NSUN3: variants seen among roughly 807,000 people sequenced by gnomAD.
NSUN3 encodes NOP2/Sun RNA methyltransferase 3, also known as tRNA (cytosine(34)-C(5))-methyltransferase, mitochondrial.
In NSUN3, 24 loss-of-function variants were observed where a neutral mutation model predicts 36.8. The observed-to-expected ratio is 0.65, with a 90% CI of 0.47 to 0.92. The LOEUF is 0.92. Among genes scored for constraint, NSUN3 ranks in the 40% least tolerant of loss-of-function variants. The probability of loss-of-function intolerance (pLI) is 0.00; values close to 1 mark genes in which losing one functional copy is unlikely to be tolerated. For synonymous variants in NSUN3, 146 were observed against 145.2 expected (o/e 1.01, Z -0.04); for missense variants, 381 against 392.8 (o/e 0.97, Z 0.25).
At chr3:94,076,672 G>T in intron 2 of NSUN3, 1 of 1,147,968 alleles carries the variant, frequency 8.7e-7, no homozygotes, top group Non-Finnish European at 1.3e-6. Flanking sequence ...GCAAGTCTGA[G>T]TTGCAGTCTC....
chr3:94,068,120 T>C (rs1316855129), intron 2 of NSUN3, among the ~76,000 whole-genome samples: 1 of 152,152 alleles, frequency 6.6e-6, no homozygotes, highest in African/African-American at 2.4e-5. Flanking sequence ...AATATCTCTG[T>C]GCTCCATTGT....
intron 2 of NSUN3, among the ~76,000 whole-genome samples, chr3:94,072,535 C>T (rs1224995639): frequency 6.6e-6 from 1 of 152,026 alleles, no homozygotes. Context: ...GGAAAGACTT[C>T]GTTGGAGAGA....
At position 94,127,987 on chromosome 3, in the gene NSUN3, G is replaced by A. The variant is rs4857186; in HGVS notation, c.*1497G>A. Reference sequence around the variant, plus strand: ...TGTAATCCCAGCACTTTGTCAGGCCGAGGCAGGGGGCATCTCCTGAGGTCA... The same window carrying A: ...TGTAATCCCAGCACTTTGTCAGGCCAAGGCAGGGGGCATCTCCTGAGGTCA... On this transcript the variant is annotated 3_prime_UTR_variant, in exon 6 of 6. Coordinates refer to ENST00000314622, the MANE Select transcript of NSUN3 (RefSeq NM_022072.5). 51,644 of 152,014 alleles carry A rather than the reference G, an allele frequency of 0.34. 10,846 individuals are homozygous for A. The highest frequency in any genetic ancestry group is 0.55 in the East Asian group (2,856 of 5,152). 9.4% of individuals were successfully genotyped at this position (152,014 alleles called of 1,614,324 possible).
At chr3:94,084,501 A>G (rs780473969) in intron 3 of NSUN3, 51 bp downstream of exon 3, 4 of 1,364,658 alleles carry the variant, frequency 2.9e-6, no homozygotes, top group Non-Finnish European at 4.0e-6. Context: ...TCTGTATGTT[A>G]TAGAGAATTC....
Position 94,126,348 on chromosome 3 carries a change from T to C in NSUN3, c.881T>C (p.Ile294Thr). The change falls in exon 6 of 6, where the codon ATA becomes ACA. Residue 294 changes from isoleucine (I) to threonine (T), a missense_variant. By Grantham distance (89) the Ile-to-Thr change is moderately conservative. Coordinates refer to ENST00000314622, the MANE Select transcript of NSUN3 (RefSeq NM_022072.5). ...ATCATGCCTATGGACATTAAAGGAA[T>C]AGCAAGGACTTGCTCCCACGACTTC... is the stretch of plus-strand genomic sequence containing the variant. ...GNIMPMDIKG[I>T]ARTCSHDFTF... 1 of 1,614,112 alleles carries C rather than the reference T, an allele frequency of 6.2e-7. No individual in the cohort carries two copies. Among genetic ancestry groups the C allele is most frequent in the Non-Finnish European group, 8.5e-7 (1 of 1,180,024 alleles).
chr3:94,092,935 AAAAAAAAAAAG>A (rs1305615203), intron 3 of NSUN3, among the ~76,000 whole-genome samples: 167 of 150,284 alleles, frequency 1.1e-3, no homozygotes, highest in Middle Eastern at 3.5e-3. Flanking sequence ...AAAAAAAAAA[AAAAAAAAAAAG>A]AAAAGAAATA....
intron 2 of NSUN3, chr3:94,076,257 A>G (rs746087562): frequency 2.5e-4 from 224 of 910,482 alleles, no homozygotes; most frequent in Non-Finnish European, 3.8e-4. Flanking sequence ...GGAATGCAAC[A>G]TAAGTTTCAG....
Position 94,127,971 on chromosome 3 carries a change from A to G in NSUN3, c.*1481A>G, listed in dbSNP as rs2077494211. 6.6e-6 allele frequency: 1 copy of G among 152,250 alleles called. No homozygotes were observed. The highest frequency in any genetic ancestry group is 6.5e-5 in the Admixed American group (1 of 15,292). The allele number at this position is 152,250 out of a possible 1,614,324, so 9.4% of individuals were successfully genotyped here. A position where few individuals can be genotyped will look rare whatever the true frequency, so the allele number is the denominator to read the frequency against. On this transcript the variant is annotated 3_prime_UTR_variant, in exon 6 of 6. Transcript: ENST00000314622. Reference sequence around the variant, plus strand: ...CACGGTGGCTTATGCCTGTAATCCCAGCACTTTGTCAGGCCGAGGCAGGGG... The same window carrying G: ...CACGGTGGCTTATGCCTGTAATCCCGGCACTTTGTCAGGCCGAGGCAGGGG...
At chr3:94,124,124 A>G (rs899904495) in intron 5 of NSUN3, among the ~76,000 whole-genome samples, 6 of 108,166 alleles carry the variant, frequency 5.5e-5, no homozygotes, top group Admixed American at 8.9e-5. Context: ...ATAGAAGTTT[A>G]TTTTCTATTT....
chr3:94,076,271 T>A (rs547218083), intron 2 of NSUN3: 45 of 901,930 alleles, frequency 5.0e-5, no homozygotes, highest in Admixed American at 8.5e-5. Context: ...GTTTCAGATT[T>A]CTCAGATCCC....
chr3:94,115,914 A>C (rs936939166), intron 5 of NSUN3, among the ~76,000 whole-genome samples: 16 of 152,214 alleles, frequency 1.1e-4, no homozygotes, highest in African/African-American at 3.9e-4. Context: ...CAAGGGAAAA[A>C]TAGGACATCC....
chr3:94,092,916 T>A (rs532371856), intron 3 of NSUN3, among the ~76,000 whole-genome samples: 17 of 50,708 alleles, frequency 3.4e-4, no homozygotes, highest in African/African-American at 1.2e-3. Flanking sequence ...CGAGACTGCA[T>A]CTCAAAAAAA....
chr3:94,067,848 T>G (rs2077211259), intron 2 of NSUN3, among the ~76,000 whole-genome samples: 1 of 152,104 alleles, frequency 6.6e-6, no homozygotes, highest in Non-Finnish European at 1.5e-5. Flanking sequence ...CTTGAGAGTT[T>G]GTTGTACCCA....
intron 5 of NSUN3, among the ~76,000 whole-genome samples, chr3:94,119,804 A>C (rs1447888824): frequency 6.6e-6 from 1 of 152,272 alleles, no homozygotes; most frequent in Non-Finnish European, 1.5e-5. Context: ...GCAGTAGCAA[A>C]ACAGCAAGAC....
At chr3:94,076,022 C>T in intron 2 of NSUN3, 1 of 1,608,918 alleles carries the variant, frequency 6.2e-7, no homozygotes, top group South Asian at 1.1e-5. Context: ...ACAAATCACC[C>T]AAGGTTCATT....
At chr3:94,084,002 A>G (rs2077281725) in intron 2 of NSUN3, 105 bp from the exon 3 acceptor site, 2 of 791,906 alleles carry the variant, frequency 2.5e-6, no homozygotes, top group African/African-American at 3.5e-5. Context: ...AATCACAGGT[A>G]AGTGAAGTGT....
At chr3:94,087,875 C>G (rs1465697599) in intron 3 of NSUN3, among the ~76,000 whole-genome samples, 1 of 152,064 alleles carries the variant, frequency 6.6e-6, no homozygotes, top group African/African-American at 2.4e-5. Flanking sequence ...CACTATGTTG[C>G]CCAGGCTGGC....
intron 5 of NSUN3, among the ~76,000 whole-genome samples, chr3:94,105,547 A>G (rs916538159): frequency 6.6e-6 from 1 of 152,058 alleles, no homozygotes; most frequent in Non-Finnish European, 1.5e-5. Context: ...TTTATTTAGG[A>G]CATTGGCGTT....
At chr3:94,077,179 G>T in intron 2 of NSUN3, 1 of 697,446 alleles carries the variant, frequency 1.4e-6, no homozygotes, top group Non-Finnish European at 2.7e-6. Flanking sequence ...AGTCATGGAG[G>T]CCAGGCGAGC....
Sources: gnomAD v4.1 joint callset for allele counts (sites outside exome capture counted in the v4.1 genomes callset) on GRCh38, gnomAD v4.1.1 for gene constraint, MANE v1.5 for transcripts, NCBI Gene and HGNC (gene_info 2026-07-23, HGNC 2026-07-21) for gene names.